Variants in INVS observed in about 807,000 individuals in gnomAD.
INVS encodes inversion of embryo turning homolog.
INVS carries 86 observed loss-of-function variants against 108.8 expected under a neutral mutation model. The observed-to-expected ratio is 0.79, with a 90% CI of 0.66 to 0.95. The LOEUF (loss-of-function observed/expected upper bound fraction) is 0.95. INVS is among the 40% of genes least tolerant of loss of function. INVS has a pLI of 0.00. For missense variants in INVS, 1,169 were observed against 1,297.4 expected (o/e 0.90, Z 1.52); for synonymous variants, 455 against 473.5 (o/e 0.96, Z 0.51).
rs1272619479 is a variant in INVS at position 100,240,245 on chromosome 9, G to A, written c.796+5G>A. On this transcript the variant is annotated splice_donor_5th_base_variant and intron_variant, in intron 6 of 16. Transcript: ENST00000262457. ...TGCACTGGGCAGCTTTATTAGGTAC[G>A]TGACTCAAAGGATCAACAGTAAAAG... The A allele has an allele frequency of 2.5e-6, 4 of 1,610,630 alleles. No homozygotes were observed. The highest frequency in any genetic ancestry group is 2.2e-5 in the South Asian group (2 of 91,022).
intron 3 of INVS, among the ~76,000 whole-genome samples, chr9:100,151,533 G>C (rs1013657407): frequency 6.6e-6 from 1 of 151,940 alleles, no homozygotes; most frequent in Non-Finnish European, 1.5e-5. Context: ...AAAGGAAAGC[G>C]CTAAGAGATG....
chr9:100,258,028 G>A lies in INVS; in HGVS notation c.1464+4892G>A, dbSNP rs868465158. Among the ~76,000 whole-genome samples the A allele has an allele frequency of 1.5e-4, 23 of 152,274 alleles. No homozygotes were observed. In the East Asian group the frequency reaches 3.9e-3, roughly 26 times the overall value. ...TTTCCAACTTGGTTCCATTCTTCCC[G>A]TCACTTTCAGGTACACCAATCAGAT... On this transcript the variant is annotated intron_variant, in intron 10 of 16. Transcript: ENST00000262457.
chr9:100,100,862 A>ATATATAATATATT (rs1491503165), intron 1 of INVS, among the ~76,000 whole-genome samples: 1 of 8,186 alleles, frequency 1.2e-4, no homozygotes, highest in Non-Finnish European at 1.7e-4. Flanking sequence ...TGTATATATA[A>ATATATAATATATT]TATATATATT....
At chr9:100,146,110 C>A (rs1202295824) in intron 3 of INVS, among the ~76,000 whole-genome samples, 9 of 152,138 alleles carry the variant, frequency 5.9e-5, no homozygotes, top group African/African-American at 2.2e-4. Flanking sequence ...GTCACAGCAC[C>A]AAATTTCATG....
At chr9:100,156,341 A>G (rs1828981850) in intron 3 of INVS, among the ~76,000 whole-genome samples, 1 of 137,852 alleles carries the variant, frequency 7.3e-6, no homozygotes, top group Non-Finnish European at 1.5e-5. Context: ...GCTCACTGCT[A>G]CCTCTGTCTC....
chr9:100,200,575 T>C (rs2118227505), intron 3 of INVS, among the ~76,000 whole-genome samples: 1 of 152,366 alleles, frequency 6.6e-6, no homozygotes, highest in African/African-American at 2.4e-5. Context: ...ATGGCCCTTC[T>C]GAGATTTCAG....
chr9:100,168,592 A>G (rs1216396857), intron 3 of INVS, among the ~76,000 whole-genome samples: 1 of 152,124 alleles, frequency 6.6e-6, no homozygotes, highest in African/African-American at 2.4e-5. Context: ...TTAGAGGTCT[A>G]ATTGGATTGA....
At chr9:100,271,907 CACCCA>C (rs1042919750) in intron 11 of INVS, among the ~76,000 whole-genome samples, 4 of 150,768 alleles carry the variant, frequency 2.7e-5, no homozygotes, top group Admixed American at 1.3e-4. Flanking sequence ...CTCACTCTGT[CACCCA>C]GTCTGGAGTG....
intron 11 of INVS, among the ~76,000 whole-genome samples, chr9:100,271,740 T>C (rs1316590490): frequency 2.0e-5 from 3 of 152,302 alleles, no homozygotes; most frequent in South Asian, 2.1e-4. Flanking sequence ...AGGTTCAACA[T>C]TTTTATGTGT....
intron 3 of INVS, among the ~76,000 whole-genome samples, chr9:100,209,119 G>A (rs992998603): frequency 5.9e-5 from 9 of 152,072 alleles, no homozygotes; most frequent in Admixed American, 4.6e-4. Context: ...CCCCTAAAGC[G>A]AACATCAATA....
At chr9:100,212,707 G>C (rs979779187) in intron 3 of INVS, among the ~76,000 whole-genome samples, 2 of 151,832 alleles carry the variant, frequency 1.3e-5, no homozygotes, top group African/African-American at 4.8e-5. Context: ...TTTCCATTTA[G>C]CTCTCAACAT....
rs1281512841 is a variant in INVS, at chr9:100,301,700, G to A, written c.*1026G>A. Reference sequence around the variant, plus strand: ...GATATATTTTACTCACAGGTATTTTGGGGGTTGCTTTCATTTTCTTCAGAT... The same window carrying A: ...GATATATTTTACTCACAGGTATTTTAGGGGTTGCTTTCATTTTCTTCAGAT... On this transcript the variant is annotated 3_prime_UTR_variant, in exon 17 of 17. Coordinates refer to ENST00000262457, the MANE Select transcript of INVS (RefSeq NM_014425.5). Among the ~76,000 whole-genome samples, 3 of 152,134 alleles carry A rather than the reference G, an allele frequency of 2.0e-5. No homozygotes were observed. Among genetic ancestry groups the A allele is most frequent in the Admixed American group, 1.3e-4 (2 of 15,250 alleles).
At chr9:100,222,536 C>T (rs1831184855) in intron 3 of INVS, among the ~76,000 whole-genome samples, 1 of 152,162 alleles carries the variant, frequency 6.6e-6, no homozygotes, top group Non-Finnish European at 1.5e-5. Context: ...AATATCATTA[C>T]TGAGTTGCAC....
At chr9:100,266,638 G>A (rs1832802008) in intron 11 of INVS, among the ~76,000 whole-genome samples, 1 of 152,036 alleles carries the variant, frequency 6.6e-6, no homozygotes, top group South Asian at 2.1e-4. Context: ...ATTTTGTGCT[G>A]ACCTCCTATT....
intron 12 of INVS, 59 bp downstream of exon 12, chr9:100,273,135 G>T (rs961868698): frequency 7.5e-7 from 1 of 1,331,644 alleles, no homozygotes; most frequent in Non-Finnish European, 1.1e-6. Context: ...GGAAGTGGGG[G>T]TGTGGGGGGT....
At chr9:100,116,182 C>T (rs531415919) in intron 2 of INVS, among the ~76,000 whole-genome samples, 2 of 151,332 alleles carry the variant, frequency 1.3e-5, no homozygotes, top group Non-Finnish European at 1.5e-5. Flanking sequence ...CGGCTCCCTG[C>T]AACCTCCGCC....
At chr9:100,121,360 G>A (rs1404949785) in intron 2 of INVS, among the ~76,000 whole-genome samples, 1 of 152,114 alleles carries the variant, frequency 6.6e-6, no homozygotes, top group African/African-American at 2.4e-5. Context: ...GGATCATACG[G>A]GGCATGTATA....
chr9:100,258,539 G>T (rs186388323), intron 10 of INVS, among the ~76,000 whole-genome samples: 70 of 152,242 alleles, frequency 4.6e-4, no homozygotes, highest in African/African-American at 1.6e-3. Context: ...CCATCTTTGT[G>T]GTTTTATGGT....
At chr9:100,108,181 A>T (rs1248676227) in intron 2 of INVS, among the ~76,000 whole-genome samples, 1 of 152,252 alleles carries the variant, frequency 6.6e-6, no homozygotes. Context: ...TGGCTCAGTC[A>T]TACAGATTAA....
Sources: allele counts gnomAD v4.1 joint callset (sites outside exome capture counted in the v4.1 genomes callset), GRCh38; gene constraint gnomAD v4.1.1; transcripts MANE v1.5; gene names NCBI Gene and HGNC (gene_info 2026-07-23, HGNC 2026-07-21).